A4GALT: variants seen among roughly 807,000 people sequenced by gnomAD.
A4GALT encodes the protein alpha 1,4-galactosyltransferase (P1PK blood group), also known as lactosylceramide 4-alpha-galactosyltransferase.
For missense variants in A4GALT, 512 were observed against 486.0 expected, an observed-to-expected ratio of 1.05 and a Z score of -0.50; for synonymous variants, 257 against 220.7, an observed-to-expected ratio of 1.16 and a Z score of -1.46.
chr22:42,693,694 G>A lies in A4GALT; in HGVS notation c.258C>T (p.Asp86=), dbSNP rs779443750. The A allele has an allele frequency of 1.4e-6, 2 of 1,392,730 alleles. No individual in the cohort carries two copies. The highest frequency in any genetic ancestry group is 2.3e-5 in the South Asian group (2 of 88,036). The allele number at this position is 1,392,730 out of a possible 1,614,324, so 86.3% of individuals were successfully genotyped here. A position where few individuals can be genotyped will look rare whatever the true frequency, so the allele number is the denominator to read the frequency against. ...PGNIFFLETS[D]RTNPNFLFMC... The stretch of plus-strand genomic sequence containing the variant: ...TGAACAGGAAGTTGGGGTTGGTCCG[G>A]TCTGAAGTCTCCAGGAAGAAGATGT... The change falls in exon 3 of 3, where the codon GAC becomes GAT. Residue 86 remains aspartate (D), a synonymous_variant. Transcript: ENST00000642412.
rs1163088658 is a variant in A4GALT, at chr22:42,714,274, C to CAAAAAAAAAAAAA, written c.-188+6510_-188+6522dup. Among the ~76,000 whole-genome samples, 4 of 16,162 alleles carry CAAAAAAAAAAAAA rather than the reference C, an allele frequency of 2.5e-4. 1 individual carries two copies. Among genetic ancestry groups the CAAAAAAAAAAAAA allele is most frequent in the Non-Finnish European group, 5.1e-4 (4 of 7,894 alleles). The allele number at this position is 16,162 out of a possible 152,430, so 10.6% of individuals were successfully genotyped here. A position where few individuals can be genotyped will look rare whatever the true frequency, so the allele number is the denominator to read the frequency against. The stretch of plus-strand genomic sequence containing the variant: ...TGGGCAACAGAGCAAGACTCTGTCT[C>CAAAAAAAAAAAAA]AAAAAAAAAAAAAAAAAAAAAAAAA... On this transcript the variant is annotated intron_variant, in intron 1 of 2. Transcript: ENST00000642412.
rs529314374 is a variant in A4GALT at position 42,692,265 on chromosome 22, A to G, written c.*625T>C. On this transcript the variant is annotated 3_prime_UTR_variant, in exon 3 of 3. Transcript: ENST00000642412. This position sits in a 1 kb window ranked among gnomAD's most constrained non-coding sequence, Gnocchi z 4.6. Reference sequence around the variant, plus strand: ...GTCTGAGGGAAGGGGCAGAGCATACACGCCCCCCTGGCATCTCTGGAGAGG... The same window carrying G: ...GTCTGAGGGAAGGGGCAGAGCATACGCGCCCCCCTGGCATCTCTGGAGAGG... 8.6e-6 allele frequency: 2 copies of G among 233,152 alleles called. No individual in the cohort carries two copies. Among genetic ancestry groups the G allele is most frequent in the South Asian group, 1.2e-4 (2 of 16,836 alleles). The allele number at this position is 233,152 out of a possible 1,614,324, so 14.4% of individuals were successfully genotyped here.
chr22:42,709,067 A>ATATATTTTTTTTT (rs1180529043), intron 1 of A4GALT, among the ~76,000 whole-genome samples: 80 of 128,830 alleles, frequency 6.2e-4, no homozygotes, highest in Middle Eastern at 4.2e-3. Flanking sequence ...ATATATATAT[A>ATATATTTTTTTTT]TTTTTTTTAA....
rs3985930 is a variant in A4GALT, at chr22:42,703,106, C to CTGTGTGTGTGTGTGTGTGTGTGTGTG, written c.-187-7501_-187-7476dup. Among the ~76,000 whole-genome samples the CTGTGTGTGTGTGTGTGTGTGTGTGTG allele has an allele frequency of 7.3e-3, 984 of 134,034 alleles. 28 individuals are homozygous for CTGTGTGTGTGTGTGTGTGTGTGTGTG. Among genetic ancestry groups the CTGTGTGTGTGTGTGTGTGTGTGTGTG allele is most frequent in the African/African-American group, 0.029 (916 of 31,724 alleles). 87.9% of individuals were successfully genotyped at this position (134,034 alleles called of 152,430 possible). The stretch of plus-strand genomic sequence containing the variant: ...GTGTGAGAGAGAGCATGCTGCCCCA[C>CTGTGTGTGTGTGTGTGTGTGTGTGTG]TGTGTGTGTGTGTGTGTGTGTGTGT... On this transcript the variant is annotated intron_variant, in intron 1 of 2. Transcript: ENST00000642412.
intron 1 of A4GALT, among the ~76,000 whole-genome samples, chr22:42,697,579 G>A (rs192067370): frequency 4.6e-5 from 7 of 152,070 alleles, no homozygotes; most frequent in Non-Finnish European, 1.0e-4. Flanking sequence ...AGGATATGTC[G>A]TCGGACCACA....
chr22:42,694,067 G>A, intron 2 of A4GALT, 70 bp from the exon 3 acceptor site: 1 of 960,288 alleles, frequency 1.0e-6, no homozygotes, highest in South Asian at 1.5e-5. Context: ...AACGCTTCCT[G>A]TGAACATCAG....
At chr22:42,704,703 G>A (rs1050666377) in intron 1 of A4GALT, among the ~76,000 whole-genome samples, 6 of 152,034 alleles carry the variant, frequency 3.9e-5, no homozygotes, top group African/African-American at 1.5e-4. Context: ...TTCATTCCAG[G>A]AGGAATAAGG....
rs924000959 is a variant in A4GALT, at chr22:42,701,669, G to A, written c.-187-6038C>T. Among the ~76,000 whole-genome samples the A allele has an allele frequency of 2.0e-5, 3 of 152,202 alleles. No homozygotes were observed. The East Asian group carries it at 5.8e-4, about 29-fold the overall frequency. On this transcript the variant is annotated intron_variant, in intron 1 of 2. Transcript: ENST00000642412. ...TGCCTGTGGGCCCTGCTCCCTGGCT[G>A]TTGCCATAAGCACTGACTCAGGTCC...
chr22:42,715,305 A>T (rs752815323), intron 1 of A4GALT, among the ~76,000 whole-genome samples: 1 of 152,052 alleles, frequency 6.6e-6, no homozygotes, highest in Non-Finnish European at 1.5e-5. Flanking sequence ...CAAGATAGGA[A>T]ATGTTTTGAT....
intron 1 of A4GALT, among the ~76,000 whole-genome samples, chr22:42,710,510 A>G (rs1369974687): frequency 2.0e-5 from 3 of 152,110 alleles, no homozygotes; most frequent in Non-Finnish European, 2.9e-5. Flanking sequence ...AGTCTGGACA[A>G]CATGGTGAAA....
intron 1 of A4GALT, among the ~76,000 whole-genome samples, chr22:42,705,336 C>A (rs1920987044): frequency 6.6e-6 from 1 of 152,220 alleles, no homozygotes; most frequent in African/African-American, 2.4e-5. Flanking sequence ...CGCAATGGCT[C>A]ATGCCTGTAA....
chr22:42,713,810 CAAAAAAA>C (rs35353035), intron 1 of A4GALT, among the ~76,000 whole-genome samples: 4 of 93,164 alleles, frequency 4.3e-5, no homozygotes, highest in Admixed American at 2.3e-4. Context: ...GAAACTCTGT[CAAAAAAA>C]AAAAAAAAAA....
intron 1 of A4GALT, among the ~76,000 whole-genome samples, chr22:42,701,933 A>C (rs1046198729): frequency 1.3e-5 from 2 of 152,156 alleles, no homozygotes; most frequent in African/African-American, 4.8e-5. Flanking sequence ...CGTAGTCCAC[A>C]CAAGAGGAAA....
chr22:42,706,105 C>T (rs1366780276), intron 1 of A4GALT, among the ~76,000 whole-genome samples: 2 of 111,428 alleles, frequency 1.8e-5, no homozygotes, highest in African/African-American at 5.8e-5. Flanking sequence ...CCTGTAATCT[C>T]AGCACTTTGG....
intron 1 of A4GALT, among the ~76,000 whole-genome samples, chr22:42,718,050 G>A (rs1227650154): frequency 6.6e-6 from 1 of 152,172 alleles, no homozygotes; most frequent in Non-Finnish European, 1.5e-5. Flanking sequence ...ATGTATAAAT[G>A]TATGCAGAAA....
chr22:42,715,459 T>C (rs1057408972), intron 1 of A4GALT, among the ~76,000 whole-genome samples: 4 of 152,100 alleles, frequency 2.6e-5, no homozygotes, highest in African/African-American at 9.7e-5. Flanking sequence ...AGGTGGCTCA[T>C]GCCTGTAATC....
Position 42,693,635 on chromosome 22 carries a change from G to C in A4GALT, c.317C>G (p.Pro106Arg), listed in dbSNP as rs986849398. The change falls in exon 3 of 3, where the codon CCC becomes CGC. Residue 106 changes from proline (P) to arginine (R), a missense_variant. Pro to Arg is a moderately radical substitution (Grantham distance 103). Coordinates refer to ENST00000642412, the MANE Select transcript of A4GALT (RefSeq NM_017436.7). ...CATCAGGACCAGCACGTGGGATTCG[G>C]GGTGAGTTCTGGCGGCCGACTCCAC... is the stretch of plus-strand genomic sequence containing the variant. Reference protein sequence around the residue: ...CSVESAARTHPESHVLVLMKG... With the variant: ...CSVESAARTHRESHVLVLMKG... 1 of 1,613,580 alleles carries C rather than the reference G, an allele frequency of 6.2e-7. No individual in the cohort carries two copies. Among genetic ancestry groups the C allele is most frequent in the Admixed American group, 1.7e-5 (1 of 59,980 alleles).
chr22:42,721,115 G>GT (rs762789169), upstream of A4GALT: 1 of 152,184 alleles, frequency 6.6e-6, no homozygotes, highest in Non-Finnish European at 1.5e-5. Flanking sequence ...TTACCATCCC[G>GT]TTTTCCCCAT....
intron 1 of A4GALT, among the ~76,000 whole-genome samples, chr22:42,698,702 T>G (rs1233024839): frequency 2.0e-5 from 3 of 152,070 alleles, no homozygotes; most frequent in Admixed American, 2.0e-4. Context: ...AAATAGGAGC[T>G]GAGTAAAATG....
Sources: gnomAD v4.1 joint callset for allele counts (sites outside exome capture counted in the v4.1 genomes callset) on GRCh38, gnomAD v4.1.1 for gene constraint, Gnocchi (gnomAD v3.1) non-coding constraint, MANE v1.5 for transcripts, NCBI Gene and HGNC (gene_info 2026-07-23, HGNC 2026-07-21) for gene names.